The following BABAM2 variants were observed in gnomAD, a reference collection of about 807,000 sequenced individuals.
BABAM2 encodes the protein BRISC and BRCA1 A complex member 2, also known as BRISC and BRCA1-A complex member 2.
In BABAM2, 31 loss-of-function variants were observed where a neutral mutation model predicts 54.7. The observed-to-expected ratio is 0.57, with a 90% confidence interval of 0.43 to 0.77. The LOEUF is 0.77. BABAM2 is among the 30% of genes least tolerant of loss of function. The pLI, the probability that BABAM2 is intolerant of heterozygous loss-of-function variation, is 0.00. For missense variants in BABAM2, 364 were observed against 455.8 expected, an observed-to-expected ratio of 0.80 and a Z score of 1.83; for synonymous variants, 167 against 162.9, an observed-to-expected ratio of 1.03 and a Z score of -0.19.
intron 7 of BABAM2, among the ~76,000 whole-genome samples, chr2:28,162,181 A>T (rs1438408994): frequency 6.6e-6 from 1 of 152,202 alleles, no homozygotes; most frequent in South Asian, 2.1e-4. Context: ...CTTTTTAAAA[A>T]TACCAGTGGG....
intron 5 of BABAM2, among the ~76,000 whole-genome samples, chr2:28,037,911 T>C (rs561861999): frequency 6.6e-6 from 1 of 152,298 alleles, no homozygotes; most frequent in African/African-American, 2.4e-5. Context: ...AGAGCCTTGA[T>C]ATTATGGGAT....
chr2:28,324,805 C>G (rs190521865), intron 11 of BABAM2, among the ~76,000 whole-genome samples: 2 of 152,034 alleles, frequency 1.3e-5, no homozygotes, highest in African/African-American at 2.4e-5. Context: ...GACCTTGTCT[C>G]AAGAAAGAAA....
intron 6 of BABAM2, among the ~76,000 whole-genome samples, chr2:28,096,070 T>C (rs571956622): frequency 1.1e-4 from 16 of 152,222 alleles, no homozygotes; most frequent in African/African-American, 3.9e-4. Flanking sequence ...CTGTACTCGT[T>C]GTCTTTCCCT....
chr2:28,095,510 C>G (rs1453722466), intron 6 of BABAM2, among the ~76,000 whole-genome samples: 9 of 152,080 alleles, frequency 5.9e-5, no homozygotes, highest in Admixed American at 4.6e-4. Flanking sequence ...ACAAGCGAAG[C>G]CTTCTATTCA....
chr2:27,904,375 G>A (rs1439118033), intron 2 of BABAM2, among the ~76,000 whole-genome samples: 1 of 152,122 alleles, frequency 6.6e-6, no homozygotes, highest in East Asian at 1.9e-4. Flanking sequence ...CTGATACATA[G>A]GAATATATGC....
chr2:28,073,202 A>G (rs1664330995), intron 6 of BABAM2, among the ~76,000 whole-genome samples: 2 of 152,190 alleles, frequency 1.3e-5, no homozygotes, highest in Non-Finnish European at 2.9e-5. Flanking sequence ...TCTTTTTTAA[A>G]ACATAGAAAT....
chr2:28,037,901 A>G (rs1397550299), intron 5 of BABAM2, among the ~76,000 whole-genome samples: 1 of 152,218 alleles, frequency 6.6e-6, no homozygotes, highest in Non-Finnish European at 1.5e-5. Context: ...AAGGGAAAGC[A>G]GAGCCTTGAT....
chr2:28,054,882 C>T (rs987657019), intron 6 of BABAM2, among the ~76,000 whole-genome samples: 6 of 152,188 alleles, frequency 3.9e-5, no homozygotes, highest in African/African-American at 7.2e-5. Context: ...ACTTAATACA[C>T]TTCTGAGCTT....
chr2:28,013,754 A>G (rs1241795331), intron 4 of BABAM2, among the ~76,000 whole-genome samples: 1 of 143,832 alleles, frequency 7.0e-6, no homozygotes, highest in Non-Finnish European at 1.5e-5. Context: ...CACGTGGCTC[A>G]CAGTGAAGTT....
chr2:28,225,390 G>A (rs556973870), intron 7 of BABAM2, among the ~76,000 whole-genome samples: 2 of 152,212 alleles, frequency 1.3e-5, no homozygotes, highest in East Asian at 1.9e-4. Flanking sequence ...TCCAGAGGAG[G>A]AAGCATCAGA....
intron 11 of BABAM2, among the ~76,000 whole-genome samples, chr2:28,317,648 C>T (rs1382109202): frequency 6.6e-6 from 1 of 152,238 alleles, no homozygotes; most frequent in Non-Finnish European, 1.5e-5. Flanking sequence ...AAATGCTTGA[C>T]AGCCAAAACA....
At chr2:27,925,836 G>A (rs915663715) in intron 2 of BABAM2, among the ~76,000 whole-genome samples, 1 of 152,166 alleles carries the variant, frequency 6.6e-6, no homozygotes, top group Non-Finnish European at 1.5e-5. Flanking sequence ...GGCCTTATCT[G>A]CCAGGTGGGC....
At chr2:28,276,210 C>T (rs942003330) in intron 10 of BABAM2, among the ~76,000 whole-genome samples, 4 of 151,986 alleles carry the variant, frequency 2.6e-5, no homozygotes, top group African/African-American at 7.3e-5. Context: ...AAGGCTAGAT[C>T]GCTCATTATA....
chr2:28,197,316 G>C (rs946967221), intron 7 of BABAM2, among the ~76,000 whole-genome samples: 1 of 152,176 alleles, frequency 6.6e-6, no homozygotes, highest in Non-Finnish European at 1.5e-5. Context: ...GCCTCTCTGA[G>C]CTTGTTCTTT....
At position 28,131,782 on chromosome 2, in the gene BABAM2, A is replaced by C. The variant is rs145134990; in HGVS notation, c.680+2402A>C. On this transcript the variant is annotated intron_variant, in intron 7 of 11. Coordinates refer to ENST00000379624, the MANE Select transcript of BABAM2 (RefSeq NM_199191.3). Reference sequence around the variant, plus strand: ...GGAGAGGATGGGTAAATAAGGGAGCAAGTACCAGTTCTAGCGTAGCCACTC... The same window carrying C: ...GGAGAGGATGGGTAAATAAGGGAGCCAGTACCAGTTCTAGCGTAGCCACTC... Among the ~76,000 whole-genome samples the C allele has an allele frequency of 5.5e-4, 84 of 152,290 alleles. 3 individuals carry two copies. In the East Asian group the frequency reaches 0.015, roughly 27 times the overall value.
chr2:28,009,986 G>C (rs1334059562), intron 4 of BABAM2, among the ~76,000 whole-genome samples: 2 of 152,154 alleles, frequency 1.3e-5, no homozygotes, highest in African/African-American at 4.8e-5. Flanking sequence ...TTAAGGGACT[G>C]TGAAGCCAGT....
At chr2:28,259,181 A>G (rs996802733) in intron 10 of BABAM2, among the ~76,000 whole-genome samples, 1 of 123,712 alleles carries the variant, frequency 8.1e-6, no homozygotes, top group Non-Finnish European at 1.6e-5. Flanking sequence ...TCCACCTCCC[A>G]GGTTCAAGCA....
In BABAM2 at chr2:28,338,338, C is replaced by T. The variant is rs984466953; in HGVS notation, c.1089-112C>T. 9.7e-5 allele frequency: 97 copies of T among 997,736 alleles called. 1 individual carries two copies. Among genetic ancestry groups the T allele is most frequent in the Non-Finnish European group, 7.3e-5 (46 of 633,894 alleles). 61.8% of individuals were successfully genotyped at this position (997,736 alleles called of 1,614,324 possible). A position where few individuals can be genotyped will look rare whatever the true frequency, so the allele number is the denominator to read the frequency against. ...GAGAAGGCAAATCCAACCCAAGATGCATGAACAATAAATAACAACTGTTCT... is the reference window on the plus strand; with the variant it reads ...GAGAAGGCAAATCCAACCCAAGATGTATGAACAATAAATAACAACTGTTCT... On this transcript the variant is annotated intron_variant, in intron 11 of 11. Coordinates refer to ENST00000379624, the MANE Select transcript of BABAM2 (RefSeq NM_199191.3).
intron 4 of BABAM2, among the ~76,000 whole-genome samples, chr2:28,015,343 A>C (rs1674722200): frequency 6.6e-6 from 1 of 152,198 alleles, no homozygotes; most frequent in Non-Finnish European, 1.5e-5. Flanking sequence ...GGGTTTTGAA[A>C]TATTAATTTA....
Sources: gnomAD v4.1 joint callset for allele counts (sites outside exome capture counted in the v4.1 genomes callset) on GRCh38, gnomAD v4.1.1 for gene constraint, MANE v1.5 for transcripts, NCBI Gene and HGNC (gene_info 2026-07-23, HGNC 2026-07-21) for gene names.